Variants in PTPRT observed in about 807,000 individuals in gnomAD.
PTPRT encodes receptor-type tyrosine-protein phosphatase T.
Under a neutral mutation model 176.8 loss-of-function variants are expected in PTPRT, and 56 were observed. The observed-to-expected ratio is 0.32, with a 90% CI of 0.26 to 0.40. The LOEUF (loss-of-function observed/expected upper bound fraction) is 0.40. PTPRT is among the 10% of genes least tolerant of loss of function. The probability of loss-of-function intolerance (pLI) is 1.00; values close to 1 mark genes in which losing one functional copy is unlikely to be tolerated. For missense variants in PTPRT, 1,540 were observed against 1,908.2 expected, an observed-to-expected ratio of 0.81 and a Z score of 3.60; for synonymous variants, 783 against 739.0, an observed-to-expected ratio of 1.06 and a Z score of -0.96.
chr20:42,765,728 A>G (rs1248309994), intron 5 of PTPRT, among the ~76,000 whole-genome samples: 4 of 151,898 alleles, frequency 2.6e-5, no homozygotes, highest in Non-Finnish European at 5.9e-5. Context: ...ATGAGCATGT[A>G]TATGTGTATA....
At chr20:42,100,777 CTAAGCTA>C (rs1372282449) in intron 26 of PTPRT, among the ~76,000 whole-genome samples, 7 of 152,342 alleles carry the variant, frequency 4.6e-5, no homozygotes, top group African/African-American at 1.7e-4. Context: ...TTAGAAGGCT[CTAAGCTA>C]TAAGCTAATG....
chr20:42,713,469 T>C (rs1359165615), intron 6 of PTPRT, among the ~76,000 whole-genome samples: 2 of 152,206 alleles, frequency 1.3e-5, no homozygotes, highest in Admixed American at 6.5e-5. Context: ...AATTTTTCTC[T>C]TCTCTATTCC....
chr20:42,875,590 T>C (rs1271901733), intron 2 of PTPRT, among the ~76,000 whole-genome samples: 1 of 152,212 alleles, frequency 6.6e-6, no homozygotes, highest in Admixed American at 6.5e-5. Context: ...CTCCCACCTC[T>C]ATCTCTTAGG....
At chr20:42,605,289 G>C (rs978475363) in intron 7 of PTPRT, among the ~76,000 whole-genome samples, 1 of 152,022 alleles carries the variant, frequency 6.6e-6, no homozygotes, top group Non-Finnish European at 1.5e-5. Flanking sequence ...CTGCAGTAGG[G>C]GAGCTCACTG....
intron 11 of PTPRT, among the ~76,000 whole-genome samples, chr20:42,323,466 T>C (rs923893732): frequency 8.5e-5 from 13 of 152,174 alleles, no homozygotes; most frequent in South Asian, 8.3e-4. Context: ...TGTAGGGACA[T>C]GGATGAAGCT....
At chr20:43,154,688 C>T (rs6103168) in intron 1 of PTPRT, among the ~76,000 whole-genome samples, 1 of 151,958 alleles carries the variant, frequency 6.6e-6, no homozygotes, top group Admixed American at 6.6e-5. Context: ...TGGATATGAC[C>T]TCAAAAGCAA....
intron 7 of PTPRT, among the ~76,000 whole-genome samples, chr20:42,630,745 G>C (rs2145887717): frequency 6.6e-6 from 1 of 152,272 alleles, no homozygotes; most frequent in Middle Eastern, 3.4e-3. Context: ...TGGAAACAAA[G>C]GGTTATTAGC....
chr20:42,280,971 T>G (rs932844368), intron 13 of PTPRT, among the ~76,000 whole-genome samples: 7 of 152,082 alleles, frequency 4.6e-5, no homozygotes, highest in African/African-American at 1.7e-4. Flanking sequence ...GCAAATCCAT[T>G]GCATCCATCT....
intron 1 of PTPRT, among the ~76,000 whole-genome samples, chr20:42,908,392 T>C (rs539578111): frequency 6.6e-6 from 1 of 152,070 alleles, no homozygotes; most frequent in Non-Finnish European, 1.5e-5. Flanking sequence ...GAGAAAATAA[T>C]TCACAACAAA....
chr20:42,086,303 A>G (rs948165465), intron 27 of PTPRT, among the ~76,000 whole-genome samples: 1 of 152,066 alleles, frequency 6.6e-6, no homozygotes, highest in African/African-American at 2.4e-5. Context: ...TTATGTAGGA[A>G]ATTAGACTCA....
At position 42,633,352 on chromosome 20, in the gene PTPRT, CTT is replaced by C. The variant is rs2145897246; in HGVS notation, c.1153+44512_1153+44513del. The stretch of plus-strand genomic sequence containing the variant: ...TTCTGGAATGATGACAGCAAACAAT[CTT>C]TGGAAAAACACATGACTGTGCTTGG... On this transcript the variant is annotated intron_variant, in intron 7 of 30. Coordinates refer to ENST00000373187, the MANE Select transcript of PTPRT (RefSeq NM_007050.6). 1.3e-5 allele frequency among the ~76,000 whole-genome samples: 2 copies of C among 152,110 alleles called. 1 individual carries two copies. Among genetic ancestry groups the C allele is most frequent in the African/African-American group, 4.8e-5 (2 of 41,486 alleles).
chr20:42,908,676 C>T (rs2079509190), intron 1 of PTPRT, among the ~76,000 whole-genome samples: 2 of 152,100 alleles, frequency 1.3e-5, no homozygotes, highest in African/African-American at 2.4e-5. Flanking sequence ...GTCATGTAAA[C>T]TTTAAGGCTG....
At chr20:42,301,815 G>T (rs958963257) in intron 12 of PTPRT, among the ~76,000 whole-genome samples, 1 of 152,216 alleles carries the variant, frequency 6.6e-6, no homozygotes, top group African/African-American at 2.4e-5. Context: ...TTGAAAAAAA[G>T]GAGTTAGACA....
chr20:42,180,458 C>T (rs992396319), intron 16 of PTPRT, among the ~76,000 whole-genome samples: 1 of 152,168 alleles, frequency 6.6e-6, no homozygotes, highest in Non-Finnish European at 1.5e-5. Context: ...TTCAGTGCAC[C>T]CTCACTTGTT....
At chr20:42,147,087 C>T (rs1208629375) in intron 17 of PTPRT, among the ~76,000 whole-genome samples, 1 of 152,206 alleles carries the variant, frequency 6.6e-6, no homozygotes, top group Non-Finnish European at 1.5e-5. Flanking sequence ...AATAATTTAA[C>T]TCTATTTCTC....
intron 7 of PTPRT, among the ~76,000 whole-genome samples, chr20:42,658,046 A>C (rs2075158368): frequency 6.6e-6 from 1 of 151,918 alleles, no homozygotes; most frequent in Non-Finnish European, 1.5e-5. Context: ...TGTCTCTATC[A>C]CTGACTTGTA....
chr20:43,143,290 CT>C (rs560055667), intron 1 of PTPRT, among the ~76,000 whole-genome samples: 1 of 152,208 alleles, frequency 6.6e-6, no homozygotes, highest in Non-Finnish European at 1.5e-5. Context: ...TTTCCAGAGT[CT>C]TCAGCAAATT....
At chr20:42,052,514 A>G in the PTPRT span, among the ~76,000 whole-genome samples, 5 of 151,928 alleles carry the variant, frequency 3.3e-5, no homozygotes, top group African/African-American at 1.2e-4. Flanking sequence ...CTCCCCTCCC[A>G]TACCATTTTT....
At chr20:42,790,405 A>AT (rs11475849) in intron 3 of PTPRT, among the ~76,000 whole-genome samples, 226 of 147,610 alleles carry the variant, frequency 1.5e-3, no homozygotes, top group Middle Eastern at 3.5e-3. Flanking sequence ...CATTGCCATG[A>AT]TTTTTTTTTT....
Sources: allele counts gnomAD v4.1 joint callset (sites outside exome capture counted in the v4.1 genomes callset), GRCh38; gene constraint gnomAD v4.1.1; transcripts MANE v1.5; gene names NCBI Gene and HGNC (gene_info 2026-07-23, HGNC 2026-07-21).